Variants in ETNK2 observed in about 807,000 individuals in gnomAD.
The protein encoded by ETNK2 is ethanolamine kinase 2.
Under a neutral mutation model 46.2 loss-of-function variants are expected in ETNK2, and 33 were observed. That is an observed-to-expected ratio of 0.71 (90% confidence interval 0.54 to 0.96). The LOEUF is 0.96. ETNK2 is among the 40% of genes least tolerant of loss of function. The probability of loss-of-function intolerance (pLI) is 0.00; values close to 1 mark genes in which losing one functional copy is unlikely to be tolerated. For synonymous variants in ETNK2, 194 were observed against 209.0 expected (o/e 0.93, Z 0.62); for missense variants, 445 against 509.7 (o/e 0.87, Z 1.22).
chr1:204,132,312 C>A (rs12745496), intron 7 of ETNK2, 56 bp from the exon 8 acceptor site: 16 of 1,395,476 alleles, frequency 1.1e-5, no homozygotes, highest in Middle Eastern at 1.8e-4. Flanking sequence ...GTGGGCCCTG[C>A]TGGGGGTGCT....
chr1:204,142,806 G>A (rs955240834), intron 3 of ETNK2: 1 of 152,216 alleles, frequency 6.6e-6, no homozygotes, highest in African/African-American at 2.4e-5. Context: ...GGAGAAGGAA[G>A]AGAGGACAGG....
intron 3 of ETNK2, chr1:204,143,044 T>C (rs1191329580): frequency 1.3e-5 from 2 of 152,070 alleles, no homozygotes; most frequent in Non-Finnish European, 2.9e-5. Flanking sequence ...GTGCACTCTC[T>C]CTGAAGGCCT....
chr1:204,144,348 A>C (rs1049406158), intron 3 of ETNK2, among the ~76,000 whole-genome samples: 6 of 142,090 alleles, frequency 4.2e-5, no homozygotes, highest in African/African-American at 1.6e-4. Flanking sequence ...TCCATCTCAA[A>C]AAAAAAAAAA....
In ETNK2 at chr1:204,146,707, G is replaced by C; in HGVS notation, c.576C>G (p.Pro192=). ...GCATCTTGTGCCAGAGGATGGGCTT[G>C]GGCAGGCTGCCGTTGGCGTGGATAG... is the stretch of plus-strand genomic sequence containing the variant. The part of the protein sequence containing the change: ...IHTIHANGSL[P]KPILWHKMHN... The change falls in exon 3 of 8, where the codon CCC becomes CCG. Residue 192 remains proline, a synonymous_variant. Coordinates refer to ENST00000367202, the MANE Select transcript of ETNK2 (RefSeq NM_018208.4). The C allele has an allele frequency of 6.2e-7, 1 of 1,614,002 alleles. No individual in the cohort carries two copies. Among genetic ancestry groups the C allele is most frequent in the East Asian group, 2.2e-5 (1 of 44,876 alleles).
chr1:204,134,210 A>AC (rs1353555942), intron 7 of ETNK2, among the ~76,000 whole-genome samples: 2 of 152,188 alleles, frequency 1.3e-5, no homozygotes, highest in African/African-American at 2.4e-5. Context: ...CCCATCCACC[A>AC]CCAGGCTCTG....
chr1:204,137,261 G>A lies in ETNK2; in HGVS notation c.869-12C>T, dbSNP rs1409813257. On this transcript the variant is annotated splice_polypyrimidine_tract_variant and intron_variant, in intron 5 of 7. Transcript: ENST00000367202. ...CACCTCATTCACGCCTGAGGGGGAG[G>A]CAGGCCAGACAAAGTTGCTCAGAGA... 2.0e-5 allele frequency: 32 copies of A among 1,612,518 alleles called. No homozygotes were observed. Among genetic ancestry groups the A allele is most frequent in the Non-Finnish European group, 2.6e-5 (31 of 1,179,136 alleles).
chr1:204,143,959 G>A (rs1176595452), intron 3 of ETNK2, among the ~76,000 whole-genome samples: 3 of 152,132 alleles, frequency 2.0e-5, no homozygotes, highest in Admixed American at 6.5e-5. Context: ...ACAGGTGTCC[G>A]ACACATCCTG....
chr1:204,132,287 G>A (rs1445185077), intron 7 of ETNK2, 31 bp from the exon 8 acceptor site: 4 of 1,546,826 alleles, frequency 2.6e-6, no homozygotes, highest in African/African-American at 2.7e-5. Flanking sequence ...AGCTGGGTGT[G>A]AGGAAGAAAG....
At position 204,133,528 on chromosome 1, in the gene ETNK2, T is replaced by TATTTA. The variant is rs1362343256; in HGVS notation, c.1088+986_1088+987insTAAAT. On this transcript the variant is annotated intron_variant, in intron 7 of 7. Transcript: ENST00000367202. ...ATTTTTTTATCATTTCATTTTATTT[T>TATTTA]ATTTTATTTTTTTTTTTTTTTGAGA... is the stretch of plus-strand genomic sequence containing the variant. Among the ~76,000 whole-genome samples the TATTTA allele has an allele frequency of 2.2e-5, 3 of 137,756 alleles. No individual in the cohort carries two copies. The East Asian group carries it at 6.6e-4, about 30-fold the overall frequency. The allele number at this position is 137,756 out of a possible 152,430, so 90.4% of individuals were successfully genotyped here. A position where few individuals can be genotyped will look rare whatever the true frequency, so the allele number is the denominator to read the frequency against.
rs781006415 is a variant in ETNK2, at chr1:204,137,258, G to A, written c.869-9C>T. 4 of 1,612,888 alleles carry A rather than the reference G, an allele frequency of 2.5e-6. No homozygotes were observed. Among genetic ancestry groups the A allele is most frequent in the Non-Finnish European group, 3.4e-6 (4 of 1,179,336 alleles). On this transcript the variant is annotated splice_polypyrimidine_tract_variant and intron_variant, in intron 5 of 7. Coordinates refer to ENST00000367202, the MANE Select transcript of ETNK2 (RefSeq NM_018208.4). ...ATCCACCTCATTCACGCCTGAGGGG[G>A]AGGCAGGCCAGACAAAGTTGCTCAG...
chr1:204,133,502 TA>T (rs1229048369), intron 7 of ETNK2, among the ~76,000 whole-genome samples: 1 of 150,876 alleles, frequency 6.6e-6, no homozygotes, highest in Non-Finnish European at 1.5e-5. Flanking sequence ...AATTAAATTT[TA>T]TTTTTTTATC....
At chr1:204,134,717 T>G (rs779653731) in intron 6 of ETNK2, 129 bp from the exon 7 acceptor site, 3 of 1,580,672 alleles carry the variant, frequency 1.9e-6, no homozygotes, top group Non-Finnish European at 2.6e-6. Context: ...TGGTGGGGTC[T>G]CCCTAGCACA....
rs914810733 is a variant in ETNK2 at position 204,132,172 on chromosome 1, T to C, written c.*12A>G. The C allele has an allele frequency of 1.9e-6, 3 of 1,563,062 alleles. No individual in the cohort carries two copies. Among genetic ancestry groups the C allele is most frequent in the African/African-American group, 2.7e-5 (2 of 73,640 alleles). On this transcript the variant is annotated 3_prime_UTR_variant, in exon 8 of 8. Transcript: ENST00000367202. ...GCCAGACAGATGGGTAGGGGAGGGA[T>C]GGGGTGGCTGGTCACTTTGGCATCT...
At chr1:204,145,393 G>A (rs1657740716) in intron 3 of ETNK2, among the ~76,000 whole-genome samples, 2 of 152,262 alleles carry the variant, frequency 1.3e-5, no homozygotes, top group African/African-American at 2.4e-5. Flanking sequence ...CAGCGACCTT[G>A]GGCAGGTTCC....
At chr1:204,142,792 C>T (rs186378823) in intron 3 of ETNK2, 1 of 152,386 alleles carries the variant, frequency 6.6e-6, no homozygotes, top group Admixed American at 6.5e-5. Flanking sequence ...CCTCTGCCCC[C>T]TCTGGAGAAG....
intron 3 of ETNK2, among the ~76,000 whole-genome samples, chr1:204,145,398 G>T (rs967803197): frequency 6.6e-5 from 10 of 152,350 alleles, no homozygotes; most frequent in Non-Finnish European, 1.5e-4. Context: ...ACCTTGGGCA[G>T]GTTCCATCCC....
intron 3 of ETNK2, 107 bp downstream of exon 3, chr1:204,146,535 C>A (rs1256560054): frequency 7.4e-7 from 1 of 1,347,742 alleles, no homozygotes; most frequent in African/African-American, 1.5e-5. Context: ...CCAGCCTCCT[C>A]CCCGAGACCT....
chr1:204,147,694 T>C (rs567836953), intron 2 of ETNK2: 2 of 414,174 alleles, frequency 4.8e-6, no homozygotes, highest in East Asian at 6.2e-5. Flanking sequence ...ACCAAGCTGT[T>C]CAAGGGGTAT....
chr1:204,144,345 C>CAA lies in ETNK2; in HGVS notation c.641+2295_641+2296dup, dbSNP rs141761706. On this transcript the variant is annotated intron_variant, in intron 3 of 7. Transcript: ENST00000367202. ...TGGGCAACAGAGTGAGAATCCATCT[C>CAA]AAAAAAAAAAAAAAAAAAAAAAAAG... Among the ~76,000 whole-genome samples, 124 of 33,318 alleles carry CAA rather than the reference C, an allele frequency of 3.7e-3. 7 individuals are homozygous for CAA. Among genetic ancestry groups the CAA allele is most frequent in the Non-Finnish European group, 4.4e-3 (87 of 19,704 alleles). 21.9% of individuals were successfully genotyped at this position (33,318 alleles called of 152,430 possible).
Sources: gnomAD v4.1 joint callset for allele counts (sites outside exome capture counted in the v4.1 genomes callset) on GRCh38, gnomAD v4.1.1 for gene constraint, MANE v1.5 for transcripts, NCBI Gene and HGNC (gene_info 2026-07-23, HGNC 2026-07-21) for gene names.